GALNT13: variants seen among roughly 807,000 people sequenced by gnomAD.
GALNT13 encodes the protein polypeptide N-acetylgalactosaminyltransferase 13.
A neutral mutation model predicts 64.2 loss-of-function variants in GALNT13; 28 were observed. The ratio of observed to expected loss-of-function variants is 0.44; its 90% CI spans 0.32 to 0.60. The LOEUF (loss-of-function observed/expected upper bound fraction) is 0.60. Among genes scored for constraint, GALNT13 ranks in the 20% least tolerant of loss-of-function variants. The pLI, the probability that GALNT13 is intolerant of heterozygous loss-of-function variation, is 0.05. For missense variants in GALNT13, 577 were observed against 669.8 expected, an observed-to-expected ratio of 0.86 and a Z score of 1.53; for synonymous variants, 214 against 224.6, an observed-to-expected ratio of 0.95 and a Z score of 0.42.
At chr2:153,587,975 C>T in the GALNT13 span, among the ~76,000 whole-genome samples, 1 of 152,218 alleles carries the variant, frequency 6.6e-6, no homozygotes. Context: ...AAAGGGGCTA[C>T]AGGCCCCATG....
the GALNT13 span, among the ~76,000 whole-genome samples, chr2:153,846,885 A>C: frequency 6.6e-6 from 1 of 152,162 alleles, no homozygotes; most frequent in Non-Finnish European, 1.5e-5. Flanking sequence ...CTAAAGGAGA[A>C]AGGCTAGAAT....
the GALNT13 span, among the ~76,000 whole-genome samples, chr2:153,108,585 T>C: frequency 1.1e-4 from 17 of 152,118 alleles, no homozygotes; most frequent in Admixed American, 6.6e-4. Context: ...ACATACTACC[T>C]CATTAGTGAT....
At chr2:153,425,501 C>T in the GALNT13 span, among the ~76,000 whole-genome samples, 22 of 151,728 alleles carry the variant, frequency 1.4e-4, no homozygotes, top group African/African-American at 3.9e-4. Flanking sequence ...ATTCAATACA[C>T]AGGAAACTGA....
chr2:153,105,074 C>T, the GALNT13 span, among the ~76,000 whole-genome samples: 517 of 134,402 alleles, frequency 3.8e-3, 2 homozygotes, highest in African/African-American at 0.014. Flanking sequence ...TGTGATGTTC[C>T]CCTTCCTGTG....
chr2:153,708,865 G>T, the GALNT13 span, among the ~76,000 whole-genome samples: 1 of 151,988 alleles, frequency 6.6e-6, no homozygotes, highest in Non-Finnish European at 1.5e-5. Context: ...CATTGATTTT[G>T]ACAAAGATGC....
the GALNT13 span, among the ~76,000 whole-genome samples, chr2:153,620,603 G>C: frequency 2.6e-5 from 4 of 151,718 alleles, no homozygotes; most frequent in Non-Finnish European, 5.9e-5. Context: ...CAGAATTTCT[G>C]CTTGATTCTT....
intron 3 of GALNT13, among the ~76,000 whole-genome samples, chr2:153,979,190 T>G (rs1175395817): frequency 6.6e-6 from 1 of 152,180 alleles, no homozygotes; most frequent in Non-Finnish European, 1.5e-5. Flanking sequence ...AATAAACTAT[T>G]TAATTTACAT....
chr2:153,341,521 A>G, the GALNT13 span, among the ~76,000 whole-genome samples: 1 of 152,240 alleles, frequency 6.6e-6, no homozygotes, highest in South Asian at 2.1e-4. Context: ...ATCAATGATT[A>G]GCCTTGCTAG....
chr2:154,415,198 A>C (rs577743463), intron 11 of GALNT13, among the ~76,000 whole-genome samples: 2 of 152,112 alleles, frequency 1.3e-5, no homozygotes, highest in East Asian at 3.9e-4. Context: ...AAATTAACAT[A>C]ACATTTATAA....
At chr2:153,706,446 C>T in the GALNT13 span, among the ~76,000 whole-genome samples, 1 of 152,200 alleles carries the variant, frequency 6.6e-6, no homozygotes, top group African/African-American at 2.4e-5. Context: ...AATATCTCAA[C>T]TAGAGATTAA....
intron 4 of GALNT13, among the ~76,000 whole-genome samples, chr2:154,164,925 A>C (rs1428952142): frequency 6.6e-6 from 1 of 152,106 alleles, no homozygotes; most frequent in Non-Finnish European, 1.5e-5. Flanking sequence ...TTCCCCCTTT[A>C]ATACATTCTA....
At chr2:154,116,951 C>T (rs964049002) in intron 3 of GALNT13, among the ~76,000 whole-genome samples, 1 of 152,078 alleles carries the variant, frequency 6.6e-6, no homozygotes, top group Non-Finnish European at 1.5e-5. Flanking sequence ...CGCAATGTCC[C>T]ACAGTAGGCC....
chr2:154,131,583 T>C (rs1682620775), intron 3 of GALNT13, among the ~76,000 whole-genome samples: 1 of 152,188 alleles, frequency 6.6e-6, no homozygotes, highest in African/African-American at 2.4e-5. Context: ...CTCCACTTTG[T>C]ACCTGTCACT....
chr2:153,713,690 G>A, the GALNT13 span, among the ~76,000 whole-genome samples: 36 of 152,286 alleles, frequency 2.4e-4, no homozygotes, highest in Non-Finnish European at 4.6e-4. Flanking sequence ...CGCCATGTTG[G>A]CTAGGCCAGT....
the GALNT13 span, among the ~76,000 whole-genome samples, chr2:153,282,691 C>T: frequency 1.3e-5 from 2 of 152,186 alleles, no homozygotes; most frequent in Admixed American, 1.3e-4. Context: ...GTTAGAATTA[C>T]AGGTATGAGC....
At chr2:154,054,341 AT>A (rs1291921781) in intron 3 of GALNT13, among the ~76,000 whole-genome samples, 1 of 151,996 alleles carries the variant, frequency 6.6e-6, no homozygotes, top group Non-Finnish European at 1.5e-5. Flanking sequence ...ATTTCAAATA[AT>A]TCATTTTTAT....
chr2:154,369,823 G>A (rs1239536156), intron 9 of GALNT13, among the ~76,000 whole-genome samples: 1 of 152,124 alleles, frequency 6.6e-6, no homozygotes, highest in Non-Finnish European at 1.5e-5. Flanking sequence ...TCATTCCAAA[G>A]CATCTTCTCT....
the GALNT13 span, among the ~76,000 whole-genome samples, chr2:153,211,598 T>C: frequency 3.3e-5 from 5 of 152,202 alleles, no homozygotes; most frequent in African/African-American, 1.2e-4. Context: ...TTTGGTAAAC[T>C]TTCCACTGCA....
chr2:153,483,194 A>G, the GALNT13 span, among the ~76,000 whole-genome samples: 10 of 152,144 alleles, frequency 6.6e-5, no homozygotes, highest in Non-Finnish European at 1.5e-4. Context: ...ACATAAAATT[A>G]CCACATAATC....
Sources: gnomAD v4.1 joint callset for allele counts (sites outside exome capture counted in the v4.1 genomes callset) on GRCh38, gnomAD v4.1.1 for gene constraint, MANE v1.5 for transcripts, NCBI Gene and HGNC (gene_info 2026-07-23, HGNC 2026-07-21) for gene names.